The following GPHN variants were observed in gnomAD, a reference collection of about 807,000 sequenced individuals.
The protein encoded by GPHN is gephyrin.
Under a neutral mutation model 95.5 loss-of-function variants are expected in GPHN, and 17 were observed. The observed-to-expected ratio is 0.18, with a 90% CI of 0.12 to 0.27. GPHN has a LOEUF of 0.27. Among genes scored for constraint, GPHN ranks in the 10% least tolerant of loss-of-function variants. The pLI, the probability that GPHN is intolerant of heterozygous loss-of-function variation, is 1.00. For synonymous variants in GPHN, 320 were observed against 322.5 expected, an observed-to-expected ratio of 0.99 and a Z score of 0.08; for missense variants, 660 against 978.1, an observed-to-expected ratio of 0.67 and a Z score of 4.34.
At chr14:67,472,233 A>G in the GPHN span, 1 of 152,402 alleles carries the variant, frequency 6.6e-6, no homozygotes, top group Non-Finnish European at 1.5e-5. Flanking sequence ...GGAGCCTTCC[A>G]CAGCTGCAAG....
chr14:66,794,367 G>A (rs1217029681), intron 3 of GPHN, among the ~76,000 whole-genome samples: 1 of 152,070 alleles, frequency 6.6e-6, no homozygotes. Flanking sequence ...GTTTCCTGAG[G>A]CCTCCCCAGA....
the GPHN span, chr14:67,384,324 G>T: frequency 6.7e-6 from 1 of 148,480 alleles, no homozygotes; most frequent in South Asian, 2.1e-4. Flanking sequence ...TAGAGCTCCA[G>T]TTCTTTATAA....
intron 22 of GPHN, among the ~76,000 whole-genome samples, chr14:67,180,280 C>T (rs1022710535): frequency 4.6e-5 from 7 of 152,276 alleles, no homozygotes; most frequent in East Asian, 1.9e-4. Context: ...CAACTAACAG[C>T]GACTAAGTTC....
chr14:67,273,183 T>C, the GPHN span, among the ~76,000 whole-genome samples: 1 of 151,938 alleles, frequency 6.6e-6, no homozygotes, highest in Non-Finnish European at 1.5e-5. Context: ...TTCTTACATA[T>C]GTATGCATGT....
the GPHN span, among the ~76,000 whole-genome samples, chr14:67,441,247 C>T: frequency 6.6e-6 from 1 of 152,164 alleles, no homozygotes; most frequent in East Asian, 1.9e-4. Context: ...TCCTCCAGGT[C>T]CTGTGAGGCA....
intron 1 of GPHN, among the ~76,000 whole-genome samples, chr14:66,610,038 T>G (rs1288990422): frequency 1.3e-5 from 2 of 152,168 alleles, no homozygotes; most frequent in Non-Finnish European, 2.9e-5. Context: ...TTGCTGATTC[T>G]TTTTCATCTG....
the GPHN span, among the ~76,000 whole-genome samples, chr14:67,452,041 G>A: frequency 5.3e-5 from 8 of 152,138 alleles, no homozygotes; most frequent in Admixed American, 4.6e-4. Flanking sequence ...TTTAAGAAAC[G>A]GGAGTTTCGG....
At chr14:67,199,764 C>G in the GPHN span, 5 of 1,540,480 alleles carry the variant, frequency 3.2e-6, no homozygotes, top group Non-Finnish European at 4.4e-6. Flanking sequence ...CTTCCTCCAC[C>G]AGGCATGCCT....
chr14:66,875,690 G>A (rs10083467), intron 4 of GPHN, among the ~76,000 whole-genome samples: 15,649 of 151,902 alleles, frequency 0.1, 2,095 homozygotes, highest in African/African-American at 0.31. Context: ...AGGGATCAAC[G>A]CAACAAGAAG....
the GPHN span, among the ~76,000 whole-genome samples, chr14:67,732,621 G>C: frequency 6.6e-6 from 1 of 151,406 alleles, no homozygotes; most frequent in South Asian, 2.1e-4. Flanking sequence ...TTGTCGCCCA[G>C]GCTGGATTTC....
chr14:67,653,370 C>T, the GPHN span: 42 of 1,432,946 alleles, frequency 2.9e-5, no homozygotes, highest in South Asian at 4.5e-4. Flanking sequence ...TTGTAAGTCA[C>T]TATTTTAAGC....
the GPHN span, among the ~76,000 whole-genome samples, chr14:67,320,681 T>G: frequency 2.0e-5 from 3 of 151,754 alleles, no homozygotes; most frequent in Non-Finnish European, 4.4e-5. Flanking sequence ...TGCTTTAAAG[T>G]GATACAGAAG....
At chr14:67,062,379 C>T (rs956365167) in intron 11 of GPHN, among the ~76,000 whole-genome samples, 2 of 152,230 alleles carry the variant, frequency 1.3e-5, no homozygotes, top group Non-Finnish European at 2.9e-5. Flanking sequence ...TCTGCAAACA[C>T]TCTAACACCT....
the GPHN span, among the ~76,000 whole-genome samples, chr14:67,218,132 C>T: frequency 6.6e-6 from 1 of 152,166 alleles, no homozygotes; most frequent in Non-Finnish European, 1.5e-5. Flanking sequence ...GGCTGTTTCT[C>T]AGGTCAAGGA....
At chr14:66,752,469 C>T (rs2058402446) in intron 2 of GPHN, among the ~76,000 whole-genome samples, 1 of 151,924 alleles carries the variant, frequency 6.6e-6, no homozygotes, top group African/African-American at 2.4e-5. Context: ...GATGTTGTTT[C>T]TCAAGGAATA....
At chr14:67,288,645 T>C in the GPHN span, among the ~76,000 whole-genome samples, 27 of 152,224 alleles carry the variant, frequency 1.8e-4, no homozygotes, top group African/African-American at 6.3e-4. Flanking sequence ...TTAAGTGTTA[T>C]CCTATTTTGC....
chr14:66,999,960 CTTATCTTT>C (rs938325276), intron 9 of GPHN, among the ~76,000 whole-genome samples: 3 of 151,776 alleles, frequency 2.0e-5, no homozygotes, highest in African/African-American at 7.2e-5. Context: ...CCTTTACAGC[CTTATCTTT>C]AATGTCTTAG....
chr14:66,772,392 T>A (rs1246937308), intron 2 of GPHN, among the ~76,000 whole-genome samples: 1 of 152,234 alleles, frequency 6.6e-6, no homozygotes, highest in Non-Finnish European at 1.5e-5. Flanking sequence ...GACTTTCACC[T>A]GCTTTTGTTA....
chr14:67,706,882 A>T, the GPHN span, among the ~76,000 whole-genome samples: 1 of 152,136 alleles, frequency 6.6e-6, no homozygotes, highest in Non-Finnish European at 1.5e-5. Context: ...GTAGGTCCTA[A>T]GTTATTAGCA....
Sources: gnomAD v4.1 joint callset for allele counts (sites outside exome capture counted in the v4.1 genomes callset) on GRCh38, gnomAD v4.1.1 for gene constraint, MANE v1.5 for transcripts, NCBI Gene and HGNC (gene_info 2026-07-23, HGNC 2026-07-21) for gene names.